The following SLC1A2 variants were observed in gnomAD, a reference collection of about 807,000 sequenced individuals.
SLC1A2 encodes solute carrier family 1 member 2, also known as excitatory amino acid transporter 2.
In SLC1A2, 15 loss-of-function variants were observed where a neutral mutation model predicts 48.8. That is an observed-to-expected ratio of 0.31 (90% CI 0.21 to 0.47). SLC1A2 has a LOEUF of 0.47. Among genes scored for constraint, SLC1A2 ranks in the 20% least tolerant of loss-of-function variants. SLC1A2 has a pLI of 0.99. For missense variants in SLC1A2, 502 were observed against 730.5 expected, an observed-to-expected ratio of 0.69 and a Z score of 3.61; for synonymous variants, 279 against 272.6, an observed-to-expected ratio of 1.02 and a Z score of -0.23.
At chr11:35,346,056 T>C (rs948746818) in intron 1 of SLC1A2, among the ~76,000 whole-genome samples, 3 of 151,790 alleles carry the variant, frequency 2.0e-5, no homozygotes, top group Non-Finnish European at 2.9e-5. Flanking sequence ...CAGACCCATG[T>C]TCTTTTTTTT....
At chr11:35,339,106 T>C (rs556155256) in intron 1 of SLC1A2, among the ~76,000 whole-genome samples, 1 of 152,304 alleles carries the variant, frequency 6.6e-6, no homozygotes, top group East Asian at 1.9e-4. Context: ...CATGCAGTAA[T>C]TTGGGGCAAG....
At chr11:35,275,951 GAGAA>G (rs1850427249) in intron 9 of SLC1A2, among the ~76,000 whole-genome samples, 5 of 152,294 alleles carry the variant, frequency 3.3e-5, no homozygotes, top group African/African-American at 1.2e-4. Context: ...TCTTGCTGGT[GAGAA>G]AGAATGTGCC....
At chr11:35,330,401 A>C (rs1284877654) in intron 1 of SLC1A2, among the ~76,000 whole-genome samples, 5 of 152,234 alleles carry the variant, frequency 3.3e-5, no homozygotes, top group African/African-American at 4.8e-5. Flanking sequence ...GTAATTTCAC[A>C]GTAGAGAAAG....
chr11:35,414,260 C>T (rs1396048653), intron 1 of SLC1A2, among the ~76,000 whole-genome samples: 1 of 152,194 alleles, frequency 6.6e-6, no homozygotes, highest in Non-Finnish European at 1.5e-5. Flanking sequence ...AACCAGAGCA[C>T]TAAGAAAATG....
At chr11:35,290,227 A>T (rs184609902) in intron 7 of SLC1A2, among the ~76,000 whole-genome samples, 58 of 152,306 alleles carry the variant, frequency 3.8e-4, no homozygotes, top group Non-Finnish European at 5.7e-4. Context: ...TCCTGAGGGG[A>T]TCATCATACA....
At chr11:35,377,124 A>G (rs1035092023) in intron 1 of SLC1A2, among the ~76,000 whole-genome samples, 4 of 152,130 alleles carry the variant, frequency 2.6e-5, no homozygotes, top group African/African-American at 9.7e-5. Context: ...CCATTAACTC[A>G]TTTAGCGCTC....
At chr11:35,324,657 G>T (rs937990564) in intron 1 of SLC1A2, among the ~76,000 whole-genome samples, 1 of 152,110 alleles carries the variant, frequency 6.6e-6, no homozygotes, top group Non-Finnish European at 1.5e-5. Context: ...GTCCCAGAGG[G>T]TCCAGAGTGG....
intron 1 of SLC1A2, chr11:35,322,885 A>T: frequency 3.2e-6 from 2 of 619,198 alleles, no homozygotes; most frequent in Non-Finnish European, 5.7e-6. Flanking sequence ...AGGGCCTGAA[A>T]CTCTAAGACT....
At chr11:35,279,455 C>T (rs957943151) in intron 9 of SLC1A2, among the ~76,000 whole-genome samples, 1 of 152,244 alleles carries the variant, frequency 6.6e-6, no homozygotes, top group South Asian at 2.1e-4. Flanking sequence ...GTCTTGCTCA[C>T]CTTTCACCAC....
chr11:35,407,048 A>T (rs1187424753), intron 1 of SLC1A2, among the ~76,000 whole-genome samples: 2 of 152,174 alleles, frequency 1.3e-5, no homozygotes, highest in African/African-American at 2.4e-5. Flanking sequence ...GAAGAATTCC[A>T]ACTAGGGAGA....
In SLC1A2 at chr11:35,254,128, T is replaced by C. The variant is rs966854817; in HGVS notation, c.*6766A>G. 2.0e-5 allele frequency: 3 copies of C among 152,624 alleles called. No individual in the cohort carries two copies. Among genetic ancestry groups the C allele is most frequent in the African/African-American group, 7.2e-5 (3 of 41,444 alleles). 9.5% of individuals were successfully genotyped at this position (152,624 alleles called of 1,614,324 possible). On this transcript the variant is annotated 3_prime_UTR_variant, in exon 11 of 11. Transcript: ENST00000278379. ...TACCAGGAAGCCAAAATATATCTGC[T>C]GGCAACAAGATCAAGTTAGATTCAC...
chr11:35,274,720 C>T (rs1329100113), intron 9 of SLC1A2, among the ~76,000 whole-genome samples: 1 of 152,218 alleles, frequency 6.6e-6, no homozygotes, highest in East Asian at 1.9e-4. Context: ...TAAGTTACTT[C>T]TCTCTGAACC....
At chr11:35,266,958 T>C (rs1950494912) in intron 9 of SLC1A2, among the ~76,000 whole-genome samples, 1 of 152,196 alleles carries the variant, frequency 6.6e-6, no homozygotes, top group African/African-American at 2.4e-5. Context: ...GTTTGCAAGG[T>C]ATAAGCTGGT....
At chr11:35,313,262 G>A (rs1421303757) in intron 3 of SLC1A2, among the ~76,000 whole-genome samples, 1 of 152,188 alleles carries the variant, frequency 6.6e-6, no homozygotes, top group Non-Finnish European at 1.5e-5. Flanking sequence ...GACATGGAGA[G>A]TCTGAGAATA....
chr11:35,265,887 G>A (rs1950475050), intron 9 of SLC1A2, 129 bp from the exon 10 acceptor site: 6 of 617,910 alleles, frequency 9.7e-6, no homozygotes, highest in Middle Eastern at 3.0e-4. Flanking sequence ...CCTGATTTGG[G>A]GCAAGTTACT....
chr11:35,336,687 C>T (rs1203158520), intron 1 of SLC1A2, among the ~76,000 whole-genome samples: 2 of 152,264 alleles, frequency 1.3e-5, no homozygotes, highest in Admixed American at 1.3e-4. Flanking sequence ...CCTACATTGG[C>T]CCAAATCCAA....
intron 1 of SLC1A2, among the ~76,000 whole-genome samples, chr11:35,363,045 G>A (rs1853732475): frequency 6.6e-6 from 1 of 152,232 alleles, no homozygotes; most frequent in African/African-American, 2.4e-5. Flanking sequence ...GCAACTTGCT[G>A]AAGTTCACAA....
chr11:35,276,379 G>C (rs1000511168), intron 9 of SLC1A2, among the ~76,000 whole-genome samples: 5 of 151,758 alleles, frequency 3.3e-5, no homozygotes, highest in African/African-American at 1.2e-4. Flanking sequence ...TTTCTTCCCA[G>C]CTCCAGCCTA....
chr11:35,255,061 G>A lies in SLC1A2; in HGVS notation c.*5833C>T, dbSNP rs180925973. ...TTGCACTAATGGAAAAAAGCCGGCC[G>A]AAAAACAAAACCCAATCCTTTCAGT... On this transcript the variant is annotated 3_prime_UTR_variant, in exon 11 of 11. Transcript: ENST00000278379. 432 of 303,532 alleles carry A rather than the reference G, an allele frequency of 1.4e-3. No individual in the cohort carries two copies. The highest frequency in any genetic ancestry group is 8.4e-3 in the African/African-American group (378 of 45,094). 18.8% of individuals were successfully genotyped at this position (303,532 alleles called of 1,614,324 possible).
Sources: gnomAD v4.1 joint callset for allele counts (sites outside exome capture counted in the v4.1 genomes callset) on GRCh38, gnomAD v4.1.1 for gene constraint, MANE v1.5 for transcripts, NCBI Gene and HGNC (gene_info 2026-07-23, HGNC 2026-07-21) for gene names.